Variants in GRID2 observed in about 807,000 individuals in gnomAD.
GRID2 encodes glutamate ionotropic receptor delta type subunit 2, also known as glutamate receptor ionotropic, delta-2.
Under a neutral mutation model 114.8 loss-of-function variants are expected in GRID2, and 33 were observed. That is an observed-to-expected ratio of 0.29 (90% CI 0.22 to 0.38). GRID2 has a LOEUF of 0.38. Ranked by LOEUF, GRID2 falls within the 10% of genes least tolerant of loss-of-function variation. The pLI is 1.00. For missense variants in GRID2, 1,184 were observed against 1,257.7 expected (o/e 0.94, Z 0.89); for synonymous variants, 505 against 449.9 (o/e 1.12, Z -1.55).
chr4:92,963,717 G>GT (rs1264803621), intron 2 of GRID2, among the ~76,000 whole-genome samples: 2 of 151,956 alleles, frequency 1.3e-5, no homozygotes, highest in Non-Finnish European at 2.9e-5. Flanking sequence ...AATCACAAAT[G>GT]TTCTAAATTT....
chr4:93,803,572 A>C (rs1279081256), intron 1 of GRID2, among the ~76,000 whole-genome samples: 1 of 152,002 alleles, frequency 6.6e-6, no homozygotes, highest in Non-Finnish European at 1.5e-5. Flanking sequence ...AAATACAAAA[A>C]TTAGCCGGGC....
At chr4:92,571,309 G>C (rs1049083786) in intron 1 of GRID2, among the ~76,000 whole-genome samples, 2 of 151,974 alleles carry the variant, frequency 1.3e-5, no homozygotes, top group African/African-American at 2.4e-5. Flanking sequence ...ATGGTAAAGG[G>C]ATCAATTCAA....
At chr4:92,722,985 G>C (rs1402045765) in intron 2 of GRID2, among the ~76,000 whole-genome samples, 1 of 151,966 alleles carries the variant, frequency 6.6e-6, no homozygotes, top group East Asian at 1.9e-4. Context: ...TAAAGACAAA[G>C]ATGTTTGTTG....
chr4:92,375,174 T>C (rs1213062120), intron 1 of GRID2, among the ~76,000 whole-genome samples: 1 of 152,188 alleles, frequency 6.6e-6, no homozygotes, highest in Non-Finnish European at 1.5e-5. Context: ...TGTTTAAGTA[T>C]AACTTAAAAT....
rs1441051293 is a variant in GRID2, at chr4:92,472,097, C to T, written c.89-118034C>T. Among the ~76,000 whole-genome samples, 2 of 117,778 alleles carry T rather than the reference C, an allele frequency of 1.7e-5. 1 individual carries two copies. Among genetic ancestry groups the T allele is most frequent in the Admixed American group, 1.6e-4 (2 of 12,690 alleles). 77.3% of individuals were successfully genotyped at this position (117,778 alleles called of 152,430 possible). On this transcript the variant is annotated intron_variant, in intron 1 of 15. Transcript: ENST00000282020. ...TACAGGCGCCCGCCACTACGCCCAG[C>T]TAATTTTTTGTATTTTTAGTAGAGA... is the stretch of plus-strand genomic sequence containing the variant.
At chr4:93,584,175 T>A (rs1737300165) in intron 13 of GRID2, among the ~76,000 whole-genome samples, 1 of 152,148 alleles carries the variant, frequency 6.6e-6, no homozygotes, top group South Asian at 2.1e-4. Flanking sequence ...AAAAACATAT[T>A]TCTTGAAAAA....
At chr4:93,185,678 T>G (rs1351018181) in intron 4 of GRID2, among the ~76,000 whole-genome samples, 4 of 152,170 alleles carry the variant, frequency 2.6e-5, no homozygotes, top group Non-Finnish European at 4.4e-5. Context: ...TAGAAAATAT[T>G]TTGCTTAGTT....
chr4:93,392,487 A>G (rs1049865389), intron 8 of GRID2, among the ~76,000 whole-genome samples: 28 of 152,142 alleles, frequency 1.8e-4, no homozygotes, highest in Admixed American at 1.8e-3. Context: ...AATCTAACTC[A>G]TTTTCATTGC....
chr4:93,762,385 C>T (rs962464796), intron 14 of GRID2, among the ~76,000 whole-genome samples: 4 of 152,070 alleles, frequency 2.6e-5, no homozygotes, highest in South Asian at 4.2e-4. Flanking sequence ...TTTATCCTCA[C>T]GAATTTCTAC....
chr4:92,460,415 C>A (rs556880285), intron 1 of GRID2, among the ~76,000 whole-genome samples: 3 of 151,922 alleles, frequency 2.0e-5, no homozygotes, highest in Non-Finnish European at 2.9e-5. Context: ...TTCTCCCTTC[C>A]GAAATTTCAT....
chr4:93,316,339 A>AGAAAGAAAGAAAGAAAGAAAGAAGGAAG (rs1192535496), intron 8 of GRID2, among the ~76,000 whole-genome samples: 8 of 55,026 alleles, frequency 1.5e-4, no homozygotes, highest in African/African-American at 4.8e-4. Context: ...AAAGAAAGAA[A>AGAAAGAAAGAAAGAAAGAAAGAAGGAAG]GAAGGAAGGA....
At chr4:93,499,449 C>G (rs966639820) in intron 12 of GRID2, among the ~76,000 whole-genome samples, 3 of 151,900 alleles carry the variant, frequency 2.0e-5, no homozygotes, top group African/African-American at 7.2e-5. Flanking sequence ...TTCCCACCCA[C>G]ATTTCTGTCC....
intron 2 of GRID2, among the ~76,000 whole-genome samples, chr4:92,764,269 A>T (rs1738155960): frequency 6.7e-6 from 1 of 148,204 alleles, no homozygotes; most frequent in Admixed American, 6.8e-5. Context: ...GGTCAAAAAG[A>T]AAAAAAAAGT....
chr4:92,679,135 C>G (rs1733524709), intron 2 of GRID2, among the ~76,000 whole-genome samples: 1 of 152,016 alleles, frequency 6.6e-6, no homozygotes, highest in Non-Finnish European at 1.5e-5. Flanking sequence ...ATGGAAGGAT[C>G]TATTTCCTTC....
chr4:93,278,147 A>G (rs902722544), intron 8 of GRID2, among the ~76,000 whole-genome samples: 17 of 152,092 alleles, frequency 1.1e-4, no homozygotes, highest in African/African-American at 3.6e-4. Context: ...GGATGGGAAC[A>G]GGGAAACATC....
At position 92,607,521 on chromosome 4, in the gene GRID2, T is replaced by A. The variant is rs576573048; in HGVS notation, c.244+17235T>A. ...GGTGAACATTTTTCATAGCCAAGAT[T>A]TTCTTTTGCTTGGTAACTTTCTGTC... On this transcript the variant is annotated intron_variant, in intron 2 of 15. Coordinates refer to ENST00000282020, the MANE Select transcript of GRID2 (RefSeq NM_001510.4). Among the ~76,000 whole-genome samples, 9 of 151,970 alleles carry A rather than the reference T, an allele frequency of 5.9e-5. No homozygotes were observed. The South Asian group carries it at 1.9e-3, about 32-fold the overall frequency.
At chr4:93,065,264 T>G (rs1419310235) in intron 2 of GRID2, among the ~76,000 whole-genome samples, 1 of 151,876 alleles carries the variant, frequency 6.6e-6, no homozygotes, top group Non-Finnish European at 1.5e-5. Context: ...GTTATCTCAT[T>G]TAAATTCTGA....
intron 1 of GRID2, among the ~76,000 whole-genome samples, chr4:93,805,810 T>TATTC (rs1356167469): frequency 6.6e-6 from 1 of 152,192 alleles, no homozygotes; most frequent in African/African-American, 2.4e-5. Context: ...TAAGAGCATA[T>TATTC]ATTCGGCCGA....
chr4:92,826,338 T>C (rs1326676841), intron 2 of GRID2, among the ~76,000 whole-genome samples: 1 of 152,128 alleles, frequency 6.6e-6, no homozygotes, highest in African/African-American at 2.4e-5. Context: ...TCTTCCTCTC[T>C]CATTGAGGCT....
Sources: allele counts gnomAD v4.1 joint callset (sites outside exome capture counted in the v4.1 genomes callset), GRCh38; gene constraint gnomAD v4.1.1; transcripts MANE v1.5; gene names NCBI Gene and HGNC (gene_info 2026-07-23, HGNC 2026-07-21).